CMYA5: variants seen among roughly 807,000 people sequenced by gnomAD.
CMYA5 encodes the protein cardiomyopathy associated 5.
In CMYA5, 246 loss-of-function variants were observed where a neutral mutation model predicts 318.9. The observed-to-expected ratio is 0.77, with a 90% CI of 0.70 to 0.86. The LOEUF (loss-of-function observed/expected upper bound fraction) is 0.86. CMYA5 is among the 40% of genes least tolerant of loss of function. The probability of loss-of-function intolerance (pLI) is 0.00; values close to 1 mark genes in which losing one functional copy is unlikely to be tolerated. For missense variants in CMYA5, 4,589 were observed against 4,678.2 expected (o/e 0.98, Z 0.56); for synonymous variants, 1,641 against 1,729.5 (o/e 0.95, Z 1.27).
Position 79,799,419 on chromosome 5 carries a change from C to T in CMYA5, c.12013C>T (p.Arg4005Cys), listed in dbSNP as rs780702412. Residue 4005 changes from arginine to cysteine, a missense_variant, in exon 13 of 13, where the codon CGT becomes TGT. This residue lies in a region of CMYA5 where 2,431 missense variants were observed against 2,495.1 expected (regional missense o/e 0.97). Transcript: ENST00000446378. ...GIVSDVHVTERPARVGILLDY... is the reference protein window; with the variant it reads ...GIVSDVHVTECPARVGILLDY... Reference sequence around the variant, plus strand: ...TGTGAGTGATGTTCATGTGACTGAGCGTCCAGCCAGAGTGGGCATCCTGCT... The same window carrying T: ...TGTGAGTGATGTTCATGTGACTGAGTGTCCAGCCAGAGTGGGCATCCTGCT... The T allele has an allele frequency of 6.2e-6, 10 of 1,613,588 alleles. No homozygotes were observed. Among genetic ancestry groups the T allele is most frequent in the South Asian group, 4.4e-5 (4 of 91,050 alleles).
intron 1 of CMYA5, among the ~76,000 whole-genome samples, chr5:79,723,085 C>T (rs181883581): frequency 2.5e-3 from 378 of 152,206 alleles, no homozygotes; most frequent in South Asian, 4.6e-3. Flanking sequence ...GAACAATTCC[C>T]AGTTTGTTCT....
chr5:79,773,552 C>T (rs964995252), intron 9 of CMYA5, among the ~76,000 whole-genome samples: 4 of 152,132 alleles, frequency 2.6e-5, no homozygotes, highest in Non-Finnish European at 5.9e-5. Flanking sequence ...AAAAATTGAT[C>T]CAGAGGTCCC....
rs770052286 is a variant in CMYA5 at position 79,736,760 on chromosome 5, T to C, written c.7995T>C (p.Asp2665=). The C allele has an allele frequency of 1.6e-5, 26 of 1,612,770 alleles. No individual in the cohort carries two copies. In the African/African-American group the frequency reaches 2.1e-4, roughly 13 times the overall value. The part of the protein sequence containing the change: ...GNLVLEKSSR[D]MPDHSEEKEQ... ...TAGTATTAGAAAAGTCAAGCAGAGA[T>C]ATGCCAGATCACAGTGAAGAAAAAG... The change falls in exon 2 of 13, where the codon GAT becomes GAC. Residue 2665 remains aspartate, a synonymous_variant. Coordinates refer to ENST00000446378, the MANE Select transcript of CMYA5 (RefSeq NM_153610.5).
intron 7 of CMYA5, among the ~76,000 whole-genome samples, chr5:79,759,391 TTG>T (rs1828601832): frequency 3.9e-5 from 6 of 152,342 alleles, no homozygotes; most frequent in Admixed American, 3.9e-4. Context: ...AGGTCTGTCT[TTG>T]CTAAAAGCCA....
At chr5:79,714,337 C>A (rs1261545230) in intron 1 of CMYA5, among the ~76,000 whole-genome samples, 1 of 152,000 alleles carries the variant, frequency 6.6e-6, no homozygotes, top group Non-Finnish European at 1.5e-5. Context: ...TCCAGACCCT[C>A]CTCTCACACA....
At chr5:79,707,873 A>G (rs998346837) in intron 1 of CMYA5, among the ~76,000 whole-genome samples, 2 of 152,198 alleles carry the variant, frequency 1.3e-5, no homozygotes, top group African/African-American at 4.8e-5. Context: ...AGAGCTCTGG[A>G]GGCTGGGAAG....
Position 79,775,778 on chromosome 5 carries a change from A to C in CMYA5, c.11555+12569A>C, listed in dbSNP as rs148913676. On this transcript the variant is annotated intron_variant, in intron 9 of 12. Transcript: ENST00000446378. ...ATTATTTTAAACAGGATCTGAAAGC[A>C]TAATGTGAAGCCACCATTCTGGGCA... Among the ~76,000 whole-genome samples, 5 of 152,354 alleles carry C rather than the reference A, an allele frequency of 3.3e-5. 1 individual carries two copies. The highest frequency in any genetic ancestry group is 9.6e-5 in the African/African-American group (4 of 41,580).
intron 1 of CMYA5, among the ~76,000 whole-genome samples, chr5:79,693,933 T>C (rs1473362056): frequency 6.6e-6 from 1 of 152,108 alleles, no homozygotes; most frequent in Non-Finnish European, 1.5e-5. Flanking sequence ...GATGAGGTAG[T>C]GAAGAAAGCC....
At position 79,733,259 on chromosome 5, in the gene CMYA5, A is replaced by G. The variant is rs568874119; in HGVS notation, c.4494A>G (p.Leu1498=). The change falls in exon 2 of 13, where the codon TTA becomes TTG. Residue 1498 remains leucine (L), a synonymous_variant. Coordinates refer to ENST00000446378, the MANE Select transcript of CMYA5 (RefSeq NM_153610.5). Reference sequence around the variant, plus strand: ...GGGTAGAAGACAAACAAGATCTTTTATTTTCTACAGTCTGTGACTCTGAAC... The same window carrying G: ...GGGTAGAAGACAAACAAGATCTTTTGTTTTCTACAGTCTGTGACTCTGAAC... The part of the protein sequence containing the change: ...EARVEDKQDL[L]FSTVCDSERL... 1.9e-5 allele frequency: 30 copies of G among 1,613,634 alleles called. No homozygotes were observed. In the African/African-American group the frequency reaches 4.0e-4, roughly 22 times the overall value.
intron 1 of CMYA5, among the ~76,000 whole-genome samples, chr5:79,709,553 C>A (rs1156985084): frequency 6.6e-6 from 1 of 150,434 alleles, no homozygotes; most frequent in Non-Finnish European, 1.5e-5. Context: ...CACTTTCATT[C>A]TCTCATGACT....
In CMYA5 at chr5:79,758,776, C is replaced by T. The variant is rs61744879; in HGVS notation, c.11134C>T (p.Pro3712Ser). 3,439 of 1,604,910 alleles carry T rather than the reference C, an allele frequency of 2.1e-3. 22 individuals are homozygous for T. The Middle Eastern group carries it at 0.033, about 15-fold the overall frequency. ...VAVPQPPRLEPQEPNSATSTT... is the reference protein window; with the variant it reads ...VAVPQPPRLESQEPNSATSTT... ...AGTTCCACAGCCTCCTAGATTAGAACCTCAGGAACCAAATTCTGCCACCAG... is the reference window on the plus strand; with the variant it reads ...AGTTCCACAGCCTCCTAGATTAGAATCTCAGGAACCAAATTCTGCCACCAG... Residue 3712 changes from proline (P) to serine (S), a missense_variant, in exon 7 of 13, where the codon CCT becomes TCT. By Grantham distance (74) the Pro-to-Ser change is moderately conservative. Around this residue, in one of 3 missense-constraint regions of CMYA5, gnomAD observed 2,431 missense variants for 2,495.1 expected, o/e 0.97. Coordinates refer to ENST00000446378, the MANE Select transcript of CMYA5 (RefSeq NM_153610.5).
Position 79,735,397 on chromosome 5 carries a change from A to G in CMYA5, c.6632A>G (p.Glu2211Gly), listed in dbSNP as rs750190788. The part of the protein sequence containing the change: ...DLETQPSPSV[E>G]KAVTVIDPEG... ...GAAACACAGCCAAGTCCATCCGTAG[A>G]AAAAGCAGTGACTGTGATAGATCCT... The change falls in exon 2 of 13, where the codon GAA (glutamate) becomes GGA (glycine). Residue 2211 changes from glutamate (E) to glycine (G), a missense_variant. This residue lies in a region of CMYA5 where 2,431 missense variants were observed against 2,495.1 expected (regional missense o/e 0.97). Transcript: ENST00000446378. The G allele has an allele frequency of 1.9e-6, 3 of 1,613,880 alleles. No homozygotes were observed. The highest frequency in any genetic ancestry group is 3.3e-5 in the Admixed American group (2 of 60,010).
At position 79,738,212 on chromosome 5, in the gene CMYA5, C is replaced by A; in HGVS notation, c.9447C>A (p.Asp3149Glu). 4 of 1,613,798 alleles carry A rather than the reference C, an allele frequency of 2.5e-6. No individual in the cohort carries two copies. The highest frequency in any genetic ancestry group is 3.4e-6 in the Non-Finnish European group (4 of 1,179,826). Reference protein sequence around the residue: ...NVSKDTKRDVDSKSPGMPLFE... With the variant: ...NVSKDTKRDVESKSPGMPLFE... ...CAAAGGACACAAAGAGAGATGTGGA[C>A]TCAAAGTCACCGGGGATGCCTTTAT... Residue 3149 changes from aspartate (D) to glutamate (E), a missense_variant, in exon 2 of 13, where the codon GAC becomes GAA. Asp to Glu is a conservative substitution (Grantham distance 45, BLOSUM62 2). This residue lies in a region of CMYA5 where 2,431 missense variants were observed against 2,495.1 expected (regional missense o/e 0.97). Transcript: ENST00000446378.
intron 9 of CMYA5, among the ~76,000 whole-genome samples, chr5:79,777,141 T>C (rs927297758): frequency 6.6e-6 from 1 of 152,250 alleles, no homozygotes; most frequent in African/African-American, 2.4e-5. Flanking sequence ...CCTGAACTTC[T>C]GAGCTGGTAA....
At position 79,690,072 on chromosome 5, in the gene CMYA5, C is replaced by T. The variant is rs772573463; in HGVS notation, c.149+16C>T. On this transcript the variant is annotated intron_variant, in intron 1 of 12. Coordinates refer to ENST00000446378, the MANE Select transcript of CMYA5 (RefSeq NM_153610.5). The stretch of plus-strand genomic sequence containing the variant: ...CGGACTCCAGGTAGCGCGAGCCTCT[C>T]TCCTCGGCCCAGGGCCTGCAGGGCA... 3.0e-4 allele frequency: 432 copies of T among 1,421,174 alleles called. No individual in the cohort carries two copies. The highest frequency in any genetic ancestry group is 3.7e-4 in the Non-Finnish European group (400 of 1,084,676). 88.0% of individuals were successfully genotyped at this position (1,421,174 alleles called of 1,614,324 possible). A position where few individuals can be genotyped will look rare whatever the true frequency, so the allele number is the denominator to read the frequency against.
In CMYA5 at chr5:79,734,420, C is replaced by T. The variant is rs531447714; in HGVS notation, c.5655C>T (p.Phe1885=). The change falls in exon 2 of 13, where the codon TTC becomes TTT. Residue 1885 remains phenylalanine, a synonymous_variant. Coordinates refer to ENST00000446378, the MANE Select transcript of CMYA5 (RefSeq NM_153610.5). ...TCAAAGAAACAAAAATGGAAGAATT[C>T]TTTATTTCTCCAAAGGATGAAAACT... The part of the protein sequence containing the change: ...ADVKETKMEE[F]FISPKDENWM... 131 of 1,613,668 alleles carry T rather than the reference C, an allele frequency of 8.1e-5. 2 individuals carry two copies. In the South Asian group the frequency reaches 1.4e-3, roughly 17 times the overall value.
chr5:79,799,854 G>T lies in CMYA5; in HGVS notation c.*238G>T. ...TCCACTCTTTAGTTTATATAAGTTT[G>T]AGTTCTTTCCTAAATTAAAAGATCT... On this transcript the variant is annotated 3_prime_UTR_variant, in exon 13 of 13. Coordinates refer to ENST00000446378, the MANE Select transcript of CMYA5 (RefSeq NM_153610.5). 2.2e-5 allele frequency: 5 copies of T among 224,284 alleles called. No homozygotes were observed. The highest frequency in any genetic ancestry group is 6.7e-5 in the Admixed American group (1 of 14,844). 13.9% of individuals were successfully genotyped at this position (224,284 alleles called of 1,614,324 possible).
intron 12 of CMYA5, among the ~76,000 whole-genome samples, chr5:79,798,832 A>T (rs983842947): frequency 6.6e-6 from 1 of 152,240 alleles, no homozygotes; most frequent in African/African-American, 2.4e-5. Flanking sequence ...GAGAAAATGA[A>T]AAGGAGAGTT....
At chr5:79,740,207 C>T (rs920551176) in intron 2 of CMYA5, among the ~76,000 whole-genome samples, 1 of 152,122 alleles carries the variant, frequency 6.6e-6, no homozygotes, top group Non-Finnish European at 1.5e-5. Context: ...TATCTGCTGA[C>T]ATCCTGAAAC....
Sources: allele counts gnomAD v4.1 joint callset (sites outside exome capture counted in the v4.1 genomes callset), GRCh38; gene constraint gnomAD v4.1.1; regional missense constraint gnomAD v4.1.1; transcripts MANE v1.5; gene names NCBI Gene and HGNC (gene_info 2026-07-23, HGNC 2026-07-21).